FBXL13: variants seen among roughly 807,000 people sequenced by gnomAD.
FBXL13 encodes F-box and leucine-rich repeat protein 13.
Under a neutral mutation model 83.6 loss-of-function variants are expected in FBXL13, and 67 were observed. The observed-to-expected ratio is 0.80, with a 90% CI of 0.66 to 0.98. The LOEUF is 0.98. FBXL13 is among the 50% of genes least tolerant of loss of function. FBXL13 has a pLI of 0.00. For missense variants in FBXL13, 822 were observed against 866.5 expected (o/e 0.95, Z 0.64); for synonymous variants, 272 against 299.5 (o/e 0.91, Z 0.95).
chr7:103,056,559 A>G (rs1797359954), intron 1 of FBXL13, among the ~76,000 whole-genome samples: 1 of 152,068 alleles, frequency 6.6e-6, no homozygotes, highest in Non-Finnish European at 1.5e-5. Flanking sequence ...CCTGGGTTCA[A>G]GCGATTCTTC....
rs79732875 is a variant in FBXL13 at position 103,031,712 on chromosome 7, G to GA, written c.1-2295dup. On this transcript the variant is annotated intron_variant, in intron 2 of 19. Transcript: ENST00000313221. ...GTTAATTTCTAGTCTGGAAATAAAA[G>GA]AAAAAATTCTACCATAAGAGATGAT... Among the ~76,000 whole-genome samples the GA allele has an allele frequency of 7.4e-3, 1,129 of 152,260 alleles. 80 individuals are homozygous for GA. The East Asian group carries it at 0.16, about 21-fold the overall frequency.
intron 18 of FBXL13, 127 bp downstream of exon 19, chr7:102,832,713 A>G (rs1800937056): frequency 8.4e-7 from 1 of 1,193,420 alleles, no homozygotes; most frequent in Non-Finnish European, 1.1e-6. Flanking sequence ...ATAGAAGAAA[A>G]AAATCCAATG....
chr7:102,999,675 T>C (rs1262722504), intron 6 of FBXL13, among the ~76,000 whole-genome samples: 3 of 152,210 alleles, frequency 2.0e-5, no homozygotes, highest in Non-Finnish European at 4.4e-5. Flanking sequence ...TATCCATTTC[T>C]TCTATGTTTT....
chr7:102,822,264 C>T (rs1043489557), intron 18 of FBXL13, 61 bp from the exon 20 acceptor site: 2 of 1,520,856 alleles, frequency 1.3e-6, no homozygotes, highest in Admixed American at 3.3e-5. Flanking sequence ...AAGAACAGTG[C>T]CTTAGTCACT....
intron 10 of FBXL13, 33 bp from the exon 12 acceptor site, chr7:102,913,248 A>G (rs1815123565): frequency 6.2e-7 from 1 of 1,612,908 alleles, no homozygotes; most frequent in East Asian, 2.2e-5. Context: ...GGAAAGTATT[A>G]TACTTCCGTT....
At position 102,914,790 on chromosome 7, in the gene FBXL13, G is replaced by A. The variant is rs116349141; in HGVS notation, c.879-1575C>T. Among the ~76,000 whole-genome samples the A allele has an allele frequency of 3.7e-3, 567 of 152,296 alleles. 5 individuals are homozygous for A. Among genetic ancestry groups the A allele is most frequent in the African/African-American group, 0.013 (560 of 41,560 alleles). Reference sequence around the variant, plus strand: ...GAGAAAGCAGTGCTAATATCCCAAAGACACGCCCCCTCTCTTGGGGCTGTC... The same window carrying A: ...GAGAAAGCAGTGCTAATATCCCAAAAACACGCCCCCTCTCTTGGGGCTGTC... On this transcript the variant is annotated intron_variant, in intron 10 of 19. Coordinates refer to ENST00000313221, the Ensembl canonical transcript of FBXL13.
At chr7:103,017,605 T>A (rs1441546225) in intron 6 of FBXL13, among the ~76,000 whole-genome samples, 2 of 152,152 alleles carry the variant, frequency 1.3e-5, no homozygotes, top group African/African-American at 2.4e-5. Flanking sequence ...CTAACTAGAA[T>A]AACTAGTGTA....
intron 17 of FBXL13, among the ~76,000 whole-genome samples, chr7:102,847,122 A>G (rs543248810): frequency 6.6e-6 from 1 of 152,276 alleles, no homozygotes; most frequent in East Asian, 1.9e-4. Context: ...TCTATGCTCA[A>G]TGGCAAAGTT....
intron 18 of FBXL13, among the ~76,000 whole-genome samples, chr7:102,830,924 C>G (rs772665678): frequency 1.3e-5 from 2 of 152,214 alleles, no homozygotes; most frequent in Non-Finnish European, 2.9e-5. Context: ...AGACTTTCCT[C>G]TTATGTCTGG....
intron 2 of FBXL13, among the ~76,000 whole-genome samples, chr7:103,042,300 A>G (rs182381935): frequency 7.9e-5 from 12 of 152,324 alleles, no homozygotes; most frequent in Admixed American, 3.9e-4. Flanking sequence ...AGAACTACAA[A>G]CTACTGCTCA....
intron 1 of FBXL13, among the ~76,000 whole-genome samples, chr7:103,063,917 G>GT (rs1378276295): frequency 6.6e-6 from 1 of 152,060 alleles, no homozygotes; most frequent in Non-Finnish European, 1.5e-5. Flanking sequence ...TAGGTTTCAA[G>GT]TAACAAACTC....
At chr7:102,903,085 C>T (rs1813174230) in intron 11 of FBXL13, among the ~76,000 whole-genome samples, 1 of 151,906 alleles carries the variant, frequency 6.6e-6, no homozygotes, top group African/African-American at 2.4e-5. Context: ...TTTTTGGTGT[C>T]CTCTTTAATT....
intron 16 of FBXL13, among the ~76,000 whole-genome samples, chr7:102,864,447 C>T (rs1233005915): frequency 1.3e-5 from 2 of 152,014 alleles, no homozygotes; most frequent in Non-Finnish European, 2.9e-5. Context: ...CGGCTCACTG[C>T]AACCTCTGCC....
intron 17 of FBXL13, among the ~76,000 whole-genome samples, chr7:102,843,728 A>T (rs1372033673): frequency 6.6e-6 from 1 of 152,182 alleles, no homozygotes; most frequent in East Asian, 1.9e-4. Flanking sequence ...ATGAGCCAAG[A>T]TCGCGCCACT....
chr7:102,897,733 C>T (rs1045317439), intron 11 of FBXL13, among the ~76,000 whole-genome samples: 47 of 152,126 alleles, frequency 3.1e-4, no homozygotes, highest in Non-Finnish European at 8.8e-5. Context: ...AACTTCTTAA[C>T]TTCTTTTAGT....
intron 2 of FBXL13, among the ~76,000 whole-genome samples, chr7:103,043,488 G>A (rs368457409): frequency 6.6e-6 from 1 of 152,140 alleles, no homozygotes; most frequent in African/African-American, 2.4e-5. Context: ...TATACCCAAA[G>A]GATTATAAGT....
At chr7:103,040,729 CTAAA>C (rs1470389741) in intron 2 of FBXL13, among the ~76,000 whole-genome samples, 8 of 151,592 alleles carry the variant, frequency 5.3e-5, no homozygotes, top group African/African-American at 1.7e-4. Context: ...TGACTCCTGG[CTAAA>C]TAAATAATAA....
chr7:103,059,993 T>C lies in FBXL13; in HGVS notation c.-104-4246A>G, dbSNP rs143962153. ...AATAGTGTCTAGCACAAAATAGGCA[T>C]TCAACAGATAATGATAGCAAGATAT... On this transcript the variant is annotated intron_variant, in intron 1 of 19. Transcript: ENST00000313221. 8.2e-3 allele frequency among the ~76,000 whole-genome samples: 1,009 copies of C among 122,576 alleles called. 32 individuals carry two copies. Among genetic ancestry groups the C allele is most frequent in the African/African-American group, 0.029 (964 of 32,708 alleles). The allele number at this position is 122,576 out of a possible 152,430, so 80.4% of individuals were successfully genotyped here.
chr7:102,907,920 G>T (rs931645759), intron 11 of FBXL13, among the ~76,000 whole-genome samples: 1 of 152,188 alleles, frequency 6.6e-6, no homozygotes, highest in Non-Finnish European at 1.5e-5. Context: ...AATAATAGGT[G>T]CTGGAGAGGA....
Sources: gnomAD v4.1 joint callset for allele counts (sites outside exome capture counted in the v4.1 genomes callset) on GRCh38, gnomAD v4.1.1 for gene constraint, MANE v1.5 for transcripts, NCBI Gene and HGNC (gene_info 2026-07-23, HGNC 2026-07-21) for gene names.